AQR: variants seen among roughly 807,000 people sequenced by gnomAD.
AQR encodes the protein RNA helicase aquarius.
AQR carries 61 observed loss-of-function variants against 180.5 expected under a neutral mutation model. The observed-to-expected ratio is 0.34, with a 90% confidence interval of 0.28 to 0.42. The LOEUF is 0.42. Among genes scored for constraint, AQR ranks in the 10% least tolerant of loss-of-function variants. AQR has a pLI of 1.00. For synonymous variants in AQR, 551 were observed against 588.8 expected (o/e 0.94, Z 0.93); for missense variants, 1,281 against 1,798.3 (o/e 0.71, Z 5.20).
intron 16 of AQR, among the ~76,000 whole-genome samples, chr15:34,913,026 T>C (rs1893523533): frequency 6.6e-6 from 1 of 152,354 alleles, no homozygotes; most frequent in South Asian, 2.1e-4. Flanking sequence ...CCTCCATTTT[T>C]TACAGCTTTA....
At chr15:34,863,075 CAAG>C (rs779621245) in intron 32 of AQR, 34 bp from the exon 33 acceptor site, 5 of 1,547,348 alleles carry the variant, frequency 3.2e-6, no homozygotes, top group Non-Finnish European at 4.4e-6. Context: ...TAGCACACTT[CAAG>C]ATTATTAACA....
intron 32 of AQR, among the ~76,000 whole-genome samples, chr15:34,865,809 C>G (rs774463313): frequency 4.6e-5 from 7 of 152,064 alleles, no homozygotes; most frequent in Non-Finnish European, 1.0e-4. Context: ...AACAAAAGAC[C>G]ACATATTATA....
In AQR at chr15:34,955,204, T is replaced by C. The variant is rs2140505071; in HGVS notation, c.174-2284A>G. Among the ~76,000 whole-genome samples, 4 of 152,304 alleles carry C rather than the reference T, an allele frequency of 2.6e-5. 1 individual carries two copies. Among genetic ancestry groups the C allele is most frequent in the African/African-American group, 9.6e-5 (4 of 41,568 alleles). The stretch of plus-strand genomic sequence containing the variant: ...ATAAATAATTTGAAGGATATTTGGA[T>C]GGTTATTTTTTTAAGTTACCAATAT... On this transcript the variant is annotated intron_variant, in intron 3 of 34. Transcript: ENST00000156471.
chr15:34,904,640 T>G (rs1248037122), intron 18 of AQR, 135 bp from the exon 19 acceptor site: 1 of 736,802 alleles, frequency 1.4e-6, no homozygotes, highest in Admixed American at 3.6e-5. Flanking sequence ...CAAAGTAGAA[T>G]GCCCTCCACT....
chr15:34,946,997 C>T (rs1285153136), intron 5 of AQR, among the ~76,000 whole-genome samples: 1 of 152,190 alleles, frequency 6.6e-6, no homozygotes, highest in Non-Finnish European at 1.5e-5. Context: ...GCCACCACCC[C>T]GTCTGGGAGG....
At chr15:34,919,541 G>A (rs1156530678) in intron 14 of AQR, among the ~76,000 whole-genome samples, 1 of 152,066 alleles carries the variant, frequency 6.6e-6, no homozygotes, top group Admixed American at 6.6e-5. Context: ...TAAAATTCTA[G>A]CCACAAGACC....
At chr15:34,900,400 T>G (rs1402457526) in intron 20 of AQR, among the ~76,000 whole-genome samples, 4 of 152,226 alleles carry the variant, frequency 2.6e-5, no homozygotes, top group African/African-American at 4.8e-5. Flanking sequence ...GATCCCTTAT[T>G]AGGTATTAGA....
intron 20 of AQR, among the ~76,000 whole-genome samples, chr15:34,898,616 T>C (rs1395881583): frequency 6.6e-6 from 1 of 152,220 alleles, no homozygotes; most frequent in East Asian, 1.9e-4. Context: ...CCAGGCGCGT[T>C]GGCTCACACC....
In AQR at chr15:34,910,302, T is replaced by A; in HGVS notation, c.1496A>T (p.Tyr499Phe). 1 of 1,613,394 alleles carries A rather than the reference T, an allele frequency of 6.2e-7. No homozygotes were observed. The highest frequency in any genetic ancestry group is 1.7e-4 in the Middle Eastern group (1 of 6,060). ...CCAACCACCAAACACTACACCGCCATATTCAGATTGCCTGAAACCAAAGAA... is the reference window on the plus strand; with the variant it reads ...CCAACCACCAAACACTACACCGCCAAATTCAGATTGCCTGAAACCAAAGAA... ...VSRMKPWQSE[Y>F]GGVVFGGWAR... Residue 499 changes from tyrosine (Y) to phenylalanine (F), a missense_variant, in exon 17 of 35, where the codon TAT becomes TTT. This residue lies in a region of AQR where 200 missense variants were observed against 293.4 expected (regional missense o/e 0.68). Transcript: ENST00000156471.
chr15:34,957,595 G>C (rs1199501189), intron 3 of AQR, among the ~76,000 whole-genome samples: 1 of 150,954 alleles, frequency 6.6e-6, no homozygotes, highest in Non-Finnish European at 1.5e-5. Flanking sequence ...CTGCTACTCG[G>C]GAGGCTGAGG....
intron 4 of AQR, among the ~76,000 whole-genome samples, chr15:34,951,633 T>C (rs1243867225): frequency 6.8e-6 from 1 of 147,092 alleles, no homozygotes; most frequent in Non-Finnish European, 1.5e-5. Flanking sequence ...ATCGTGCCAC[T>C]GCACTCCAGC....
At chr15:34,879,426 A>G (rs554107415) in intron 27 of AQR, among the ~76,000 whole-genome samples, 3 of 152,332 alleles carry the variant, frequency 2.0e-5, no homozygotes, top group Admixed American at 2.0e-4. Context: ...TCCAAGAGGT[A>G]GCATGAAGAG....
At position 34,904,559 on chromosome 15, in the gene AQR, A is replaced by C. The variant is rs1893383054; in HGVS notation, c.1832-54T>G. ...AAAATATGTATTTTTCAAATATCAA[A>C]ATAAGTTAACAGTATTTCTTTTCTA... On this transcript the variant is annotated intron_variant, in intron 18 of 34. Transcript: ENST00000156471. 6 of 1,489,542 alleles carry C rather than the reference A, an allele frequency of 4.0e-6. No individual in the cohort carries two copies. The Admixed American group carries it at 1.2e-4, about 30-fold the overall frequency. 92.3% of individuals were successfully genotyped at this position (1,489,542 alleles called of 1,614,324 possible).
At chr15:34,931,436 AG>A (rs1185708033) in intron 11 of AQR, among the ~76,000 whole-genome samples, 1 of 152,228 alleles carries the variant, frequency 6.6e-6, no homozygotes, top group Non-Finnish European at 1.5e-5. Flanking sequence ...AAAAGAACAA[AG>A]GGGATATGTA....
At position 34,871,414 on chromosome 15, in the gene AQR, G is replaced by T. The variant is rs1344533164; in HGVS notation, c.3598-492C>A. Among the ~76,000 whole-genome samples the T allele has an allele frequency of 4.0e-5, 6 of 149,334 alleles. No homozygotes were observed. The South Asian group carries it at 6.2e-4, about 16-fold the overall frequency. On this transcript the variant is annotated intron_variant, in intron 30 of 34. Coordinates refer to ENST00000156471, the MANE Select transcript of AQR (RefSeq NM_014691.3). ...CTCAGCTACTCTGGAGACTGAGGTG[G>T]GGGGATCGCTTAAGCTTGGGAGGCA...
intron 16 of AQR, among the ~76,000 whole-genome samples, chr15:34,911,223 G>C (rs1003229216): frequency 6.6e-6 from 1 of 152,062 alleles, no homozygotes; most frequent in African/African-American, 2.4e-5. Flanking sequence ...CCACATCTTG[G>C]TTATTGTGAA....
Position 34,897,641 on chromosome 15 carries a change from C to T in AQR, c.2308G>A (p.Asp770Asn). 6.2e-7 allele frequency: 1 copy of T among 1,614,116 alleles called. No homozygotes were observed. The highest frequency in any genetic ancestry group is 8.5e-7 in the Non-Finnish European group (1 of 1,179,992). ...ATTAAGGTTTTTGCTTCCTCGGTGT[C>T]TTCATCTTCCACATCCGCATCTTTC... ...KRKDADVEDEDTEEAKTLIVE... is the reference protein window; with the variant it reads ...KRKDADVEDENTEEAKTLIVE... The change falls in exon 21 of 35, where the codon GAC becomes AAC. Residue 770 changes from aspartate to asparagine, a missense_variant. Asp to Asn is a conservative substitution (Grantham distance 23). Transcript: ENST00000156471.
At chr15:34,968,924 CAAAT>C (rs1232369426) in intron 1 of AQR, among the ~76,000 whole-genome samples, 1 of 152,170 alleles carries the variant, frequency 6.6e-6, no homozygotes, top group African/African-American at 2.4e-5. Context: ...ATGCAATTCA[CAAAT>C]AAATAATAAG....
chr15:34,945,472 G>A (rs937629169), intron 5 of AQR, among the ~76,000 whole-genome samples: 1 of 152,070 alleles, frequency 6.6e-6, no homozygotes, highest in Admixed American at 6.6e-5. Context: ...CTCTAAATCT[G>A]TATTATCATT....
Sources: allele counts gnomAD v4.1 joint callset (sites outside exome capture counted in the v4.1 genomes callset), GRCh38; gene constraint gnomAD v4.1.1; regional missense constraint gnomAD v4.1.1; transcripts MANE v1.5; gene names NCBI Gene and HGNC (gene_info 2026-07-23, HGNC 2026-07-21).